Variants in SYN2 observed in about 807,000 individuals in gnomAD.
SYN2 encodes the protein synapsin-2.
SYN2 carries 19 observed loss-of-function variants against 50.9 expected under a neutral mutation model. The ratio of observed to expected loss-of-function variants is 0.37; its 90% CI spans 0.26 to 0.55. SYN2 has a LOEUF of 0.55. Ranked by LOEUF, SYN2 falls within the 20% of genes least tolerant of loss-of-function variation. The probability of loss-of-function intolerance (pLI) is 0.81; values close to 1 mark genes in which losing one functional copy is unlikely to be tolerated. For missense variants in SYN2, 587 were observed against 576.4 expected (o/e 1.02, Z -0.19); for synonymous variants, 255 against 224.9 (o/e 1.13, Z -1.20).
chr3:12,004,842 T>C lies in SYN2; in HGVS notation c.291T>C (p.Ala97=). 1.9e-6 allele frequency: 1 copy of C among 520,932 alleles called. No homozygotes were observed. The highest frequency in any genetic ancestry group is 3.4e-6 in the Non-Finnish European group (1 of 295,358). The allele number at this position is 520,932 out of a possible 1,614,324, so 32.3% of individuals were successfully genotyped here. ...CCGTGAAGCAGACGGCCGCCTCGGC[T>C]GGCCTGGTGGACGCGCCCGCTCCCG... is the stretch of plus-strand genomic sequence containing the variant. The part of the protein sequence containing the change: ...SQAVKQTAAS[A]GLVDAPAPAP... Residue 97 remains alanine (A), a synonymous_variant, in exon 1 of 13, where the codon GCT becomes GCC. Coordinates refer to ENST00000621198, the MANE Select transcript of SYN2 (RefSeq NM_133625.6).
chr3:12,016,343 C>T (rs1353186246), intron 1 of SYN2, among the ~76,000 whole-genome samples: 2 of 152,112 alleles, frequency 1.3e-5, no homozygotes, highest in Admixed American at 6.5e-5. Context: ...ATGAAGGCTA[C>T]GAAACCAGTG....
chr3:12,065,717 G>T (rs923339913), intron 1 of SYN2, among the ~76,000 whole-genome samples: 1 of 152,222 alleles, frequency 6.6e-6, no homozygotes, highest in Admixed American at 6.5e-5. Context: ...GAAGGAGGGT[G>T]GGGGCAAGGG....
At chr3:12,024,932 C>G (rs1254981465) in intron 1 of SYN2, among the ~76,000 whole-genome samples, 2 of 152,246 alleles carry the variant, frequency 1.3e-5, no homozygotes, top group Non-Finnish European at 1.5e-5. Context: ...AAAACTGTGT[C>G]TTGTCAGCTC....
intron 4 of SYN2, among the ~76,000 whole-genome samples, chr3:12,149,693 C>G (rs1369079354): frequency 6.6e-6 from 1 of 152,166 alleles, no homozygotes; most frequent in Admixed American, 6.5e-5. Context: ...ATCATCCTTT[C>G]AGTCCTGGAG....
intron 5 of SYN2, chr3:12,153,791 C>T: frequency 3.4e-6 from 5 of 1,479,086 alleles, no homozygotes; most frequent in Non-Finnish European, 4.7e-6. Flanking sequence ...TTCCTACGTA[C>T]CTTTCCAGCC....
intron 1 of SYN2, among the ~76,000 whole-genome samples, chr3:12,043,149 A>T (rs185357879): frequency 1.7e-4 from 26 of 152,090 alleles, no homozygotes; most frequent in Non-Finnish European, 3.4e-4. Flanking sequence ...CGGCCTCCCA[A>T]GTAGGTGGGA....
At chr3:12,160,538 T>C (rs577282634) in intron 5 of SYN2, among the ~76,000 whole-genome samples, 1 of 152,372 alleles carries the variant, frequency 6.6e-6, no homozygotes, top group African/African-American at 2.4e-5. Context: ...GAGCTGAGTC[T>C]GACTGAAAGA....
At chr3:12,163,331 C>T (rs1392287387) in intron 7 of SYN2, among the ~76,000 whole-genome samples, 5 of 151,878 alleles carry the variant, frequency 3.3e-5, no homozygotes, top group African/African-American at 1.2e-4. Flanking sequence ...ATCTTGGTCA[C>T]TCAGGACTTC....
At chr3:12,042,758 TATAAG>T (rs1694646525) in intron 1 of SYN2, among the ~76,000 whole-genome samples, 1 of 152,126 alleles carries the variant, frequency 6.6e-6, no homozygotes. Context: ...CTGGTGTCCT[TATAAG>T]AAGAAGAGAA....
intron 1 of SYN2, among the ~76,000 whole-genome samples, chr3:12,052,915 A>G (rs544433347): frequency 3.7e-4 from 56 of 152,252 alleles, no homozygotes; most frequent in East Asian, 9.7e-4. Context: ...TGCTACTTTG[A>G]GCTTGCTGCT....
At chr3:12,187,719 A>T in intron 12 of SYN2, 107 bp downstream of exon 12, 1 of 1,394,864 alleles carries the variant, frequency 7.2e-7, no homozygotes, top group Non-Finnish European at 9.5e-7. Flanking sequence ...CCTCCTACAG[A>T]TATTTTGTGA....
At chr3:12,111,222 C>T (rs949881470) in intron 1 of SYN2, among the ~76,000 whole-genome samples, 8 of 152,156 alleles carry the variant, frequency 5.3e-5, no homozygotes, top group Admixed American at 1.3e-4. Context: ...AGTTCCCCTG[C>T]GGAAGTTCTT....
Position 12,151,129 on chromosome 3 carries a change from A to C in SYN2, c.685-108A>C, listed in dbSNP as rs572884361. The C allele has an allele frequency of 3.9e-6, 3 of 766,208 alleles. No individual in the cohort carries two copies. In the African/African-American group the frequency reaches 5.2e-5, roughly 13 times the overall value. 47.5% of individuals were successfully genotyped at this position (766,208 alleles called of 1,614,324 possible). On this transcript the variant is annotated intron_variant, in intron 4 of 12. Transcript: ENST00000621198. ...CTTTTATATCCTCACAATGCTTAGC[A>C]TAAAGTCCTCCACAGAGCAAATGCT...
chr3:12,168,975 C>G lies in SYN2; in HGVS notation c.1158+497C>G, dbSNP rs111363471. ...AGCCAGTGGCAGTATGAATCCTTCACACACATTCCTACCCAATCTGGCTGG... is the reference window on the plus strand; with the variant it reads ...AGCCAGTGGCAGTATGAATCCTTCAGACACATTCCTACCCAATCTGGCTGG... On this transcript the variant is annotated intron_variant, in intron 9 of 12. Coordinates refer to ENST00000621198, the MANE Select transcript of SYN2 (RefSeq NM_133625.6). 3.9e-3 allele frequency among the ~76,000 whole-genome samples: 595 copies of G among 152,304 alleles called. 3 individuals carry two copies. The highest frequency in any genetic ancestry group is 0.02 in the Middle Eastern group (6 of 294).
chr3:12,093,509 A>T (rs939724138), intron 1 of SYN2, among the ~76,000 whole-genome samples: 2 of 152,184 alleles, frequency 1.3e-5, no homozygotes, highest in Non-Finnish European at 2.9e-5. Flanking sequence ...AGCTAGTTTA[A>T]TGATGGCTCT....
intron 5 of SYN2, chr3:12,153,296 G>C (rs1461446311): frequency 3.4e-6 from 2 of 595,724 alleles, no homozygotes; most frequent in Admixed American, 2.9e-5. Context: ...CAGCTACAAG[G>C]CTAGACTAAT....
intron 1 of SYN2, among the ~76,000 whole-genome samples, chr3:12,119,257 A>G (rs1181363255): frequency 6.6e-6 from 1 of 151,040 alleles, no homozygotes; most frequent in Non-Finnish European, 1.5e-5. Context: ...TCTGGCCACT[A>G]TTTGAAATCA....
chr3:12,043,720 G>A (rs576487820), intron 1 of SYN2, among the ~76,000 whole-genome samples: 6 of 152,252 alleles, frequency 3.9e-5, no homozygotes, highest in African/African-American at 1.4e-4. Context: ...ATGCACCGTG[G>A]ATTAGTCAAA....
intron 1 of SYN2, among the ~76,000 whole-genome samples, chr3:12,044,289 CAAAAA>C: frequency 6.6e-6 from 1 of 150,834 alleles, no homozygotes; most frequent in Non-Finnish European, 1.5e-5. Context: ...TGAGCAAAAG[CAAAAA>C]AGAATGAAAT....
Sources: gnomAD v4.1 joint callset for allele counts (sites outside exome capture counted in the v4.1 genomes callset) on GRCh38, gnomAD v4.1.1 for gene constraint, MANE v1.5 for transcripts, NCBI Gene and HGNC (gene_info 2026-07-23, HGNC 2026-07-21) for gene names.